Variants in NSUN6 observed in about 807,000 individuals in gnomAD.
NSUN6 encodes NOP2/Sun RNA methyltransferase 6.
In NSUN6, 64 loss-of-function variants were observed where a neutral mutation model predicts 58.0. That is an observed-to-expected ratio of 1.10 (90% confidence interval 0.90 to 1.36). The LOEUF (loss-of-function observed/expected upper bound fraction) is 1.36. Ranked by LOEUF, NSUN6 falls within the 40% of genes most tolerant of loss-of-function variation. The pLI, the probability that NSUN6 is intolerant of heterozygous loss-of-function variation, is 0.00. For synonymous variants in NSUN6, 231 were observed against 193.9 expected (o/e 1.19, Z -1.59); for missense variants, 701 against 550.1 (o/e 1.27, Z -2.74).
At chr10:18,648,809 C>T (rs1046322802) in intron 1 of NSUN6, among the ~76,000 whole-genome samples, 164 bp from the exon 2 acceptor site, 1 of 152,150 alleles carries the variant, frequency 6.6e-6, no homozygotes, top group Non-Finnish European at 1.5e-5. Flanking sequence ...AATAGTAATA[C>T]TTCACGGGGT....
chr10:18,563,903 T>C (rs1181869056), intron 8 of NSUN6, among the ~76,000 whole-genome samples: 1 of 151,104 alleles, frequency 6.6e-6, no homozygotes, highest in Non-Finnish European at 1.5e-5. Context: ...CATCCTCCAT[T>C]ACATTACATT....
chr10:18,576,224 A>T (rs2056639851), intron 8 of NSUN6, among the ~76,000 whole-genome samples: 1 of 152,024 alleles, frequency 6.6e-6, no homozygotes, highest in African/African-American at 2.4e-5. Context: ...AGTCATTTTC[A>T]CCTCAAACTA....
intron 8 of NSUN6, among the ~76,000 whole-genome samples, chr10:18,557,488 G>A (rs549817949): frequency 1.5e-4 from 22 of 150,528 alleles, no homozygotes; most frequent in African/African-American, 4.1e-4. Context: ...ATGGAATAGA[G>A]CATGGAATGG....
At chr10:18,585,856 T>G in intron 8 of NSUN6, 93 bp downstream of exon 8, 1 of 907,694 alleles carries the variant, frequency 1.1e-6, no homozygotes. Flanking sequence ...CATTCCACAT[T>G]GTATACAAAA....
intron 3 of NSUN6, among the ~76,000 whole-genome samples, chr10:18,638,579 G>C (rs2059292697): frequency 6.6e-6 from 1 of 152,154 alleles, no homozygotes; most frequent in African/African-American, 2.4e-5. Context: ...CTGTTACAAG[G>C]AGGAAAAGTT....
At chr10:18,592,833 T>C (rs1383051962) in intron 7 of NSUN6, among the ~76,000 whole-genome samples, 3 of 152,138 alleles carry the variant, frequency 2.0e-5, no homozygotes, top group South Asian at 2.1e-4. Flanking sequence ...CCAAAAGCAA[T>C]GGCAACAAAA....
At chr10:18,603,468 C>A (rs1406259953) in intron 6 of NSUN6, among the ~76,000 whole-genome samples, 1 of 149,610 alleles carries the variant, frequency 6.7e-6, no homozygotes, top group Non-Finnish European at 1.5e-5. Flanking sequence ...TTTTTCTTTT[C>A]TTTTCTTTTC....
upstream of NSUN6, among the ~76,000 whole-genome samples, chr10:18,655,640 G>T (rs1196324083): frequency 6.6e-6 from 1 of 152,170 alleles, no homozygotes; most frequent in African/African-American, 2.4e-5. Flanking sequence ...CCACCCGAAG[G>T]AATGGGACTG....
At chr10:18,611,583 G>T (rs557819847) in intron 5 of NSUN6, among the ~76,000 whole-genome samples, 1 of 152,166 alleles carries the variant, frequency 6.6e-6, no homozygotes, top group Non-Finnish European at 1.5e-5. Flanking sequence ...AGGCTGGAGC[G>T]CAGTGGCACA....
At chr10:18,622,045 C>A (rs867310470) in intron 3 of NSUN6, among the ~76,000 whole-genome samples, 1 of 146,846 alleles carries the variant, frequency 6.8e-6, no homozygotes, top group East Asian at 1.9e-4. Flanking sequence ...ATGACACACA[C>A]ACACACACAC....
chr10:18,562,889 A>AGTGGAATGGAATGGAAG (rs2055640132), intron 8 of NSUN6, among the ~76,000 whole-genome samples: 1 of 150,650 alleles, frequency 6.6e-6, no homozygotes, highest in Non-Finnish European at 1.5e-5. Flanking sequence ...AATGGCATGG[A>AGTGGAATGGAATGGAAG]GTGGAATGGA....
At chr10:18,632,494 A>G (rs4369305) in intron 3 of NSUN6, among the ~76,000 whole-genome samples, 29,301 of 146,878 alleles carry the variant, frequency 0.2, 3,071 homozygotes, top group South Asian at 0.29. Context: ...GAAAATTTTC[A>G]CAACCTACTC....
chr10:18,633,095 T>C (rs1241836104), intron 3 of NSUN6, among the ~76,000 whole-genome samples: 1 of 151,960 alleles, frequency 6.6e-6, no homozygotes, highest in African/African-American at 2.4e-5. Flanking sequence ...GATGAGTTCG[T>C]GTCCTTTGTA....
At chr10:18,628,257 A>G (rs575249285) in intron 3 of NSUN6, among the ~76,000 whole-genome samples, 3 of 152,164 alleles carry the variant, frequency 2.0e-5, no homozygotes, top group Non-Finnish European at 4.4e-5. Flanking sequence ...CCATCTGTAC[A>G]TCACCATCAT....
At chr10:18,641,625 C>T (rs1221682395) in intron 3 of NSUN6, among the ~76,000 whole-genome samples, 1 of 152,162 alleles carries the variant, frequency 6.6e-6, no homozygotes, top group Non-Finnish European at 1.5e-5. Context: ...CTACCTCAGC[C>T]TCCCAAAGTG....
At chr10:18,614,077 T>C (rs2058328456) in intron 5 of NSUN6, among the ~76,000 whole-genome samples, 1 of 152,152 alleles carries the variant, frequency 6.6e-6, no homozygotes, top group African/African-American at 2.4e-5. Flanking sequence ...AAAAAATATG[T>C]TTAATTTATA....
At chr10:18,558,018 T>A (rs1372088837) in intron 8 of NSUN6, among the ~76,000 whole-genome samples, 1 of 144,410 alleles carries the variant, frequency 6.9e-6, no homozygotes, top group Non-Finnish European at 1.5e-5. Flanking sequence ...GAATGGAGAA[T>A]GAAATGAAAT....
chr10:18,643,198 T>C (rs574107388), intron 2 of NSUN6, among the ~76,000 whole-genome samples: 3 of 151,330 alleles, frequency 2.0e-5, no homozygotes, highest in Non-Finnish European at 2.9e-5. Flanking sequence ...ACACCACAAA[T>C]TGGGGTTATT....
In NSUN6 at chr10:18,563,751, A is replaced by G. The variant is rs923763928; in HGVS notation, c.923-11780T>C. On this transcript the variant is annotated intron_variant, in intron 8 of 10. Transcript: ENST00000377304. ...CATTCTCCATTCCATTCCATTCTCC[A>G]TACCATTCCATTCTCCATTCCACTC... is the stretch of plus-strand genomic sequence containing the variant. Among the ~76,000 whole-genome samples the G allele has an allele frequency of 4.7e-5, 7 of 148,740 alleles. No individual in the cohort carries two copies. The East Asian group carries it at 1.2e-3, about 26-fold the overall frequency.
Sources: allele counts gnomAD v4.1 joint callset (sites outside exome capture counted in the v4.1 genomes callset), GRCh38; gene constraint gnomAD v4.1.1; transcripts MANE v1.5; gene names NCBI Gene and HGNC (gene_info 2026-07-23, HGNC 2026-07-21).